Variants in BCKDHB observed in about 807,000 individuals in gnomAD.
The protein encoded by BCKDHB is branched chain keto acid dehydrogenase E1 subunit beta, also known as 2-oxoisovalerate dehydrogenase subunit beta, mitochondrial.
BCKDHB carries 41 observed loss-of-function variants against 48.5 expected under a neutral mutation model. That is an observed-to-expected ratio of 0.85 (90% CI 0.66 to 1.10). The LOEUF (loss-of-function observed/expected upper bound fraction) is 1.10. Ranked by LOEUF, BCKDHB falls within the 50% of genes least tolerant of loss-of-function variation. The probability of loss-of-function intolerance (pLI) is 0.00; values close to 1 mark genes in which losing one functional copy is unlikely to be tolerated. For synonymous variants in BCKDHB, 201 were observed against 174.8 expected (o/e 1.15, Z -1.18); for missense variants, 496 against 494.2 (o/e 1.00, Z -0.03).
intron 3 of BCKDHB, among the ~76,000 whole-genome samples, chr6:80,157,856 T>C (rs1053268839): frequency 6.6e-6 from 1 of 152,186 alleles, no homozygotes; most frequent in African/African-American, 2.4e-5. Flanking sequence ...AAAAATTTCA[T>C]GTTTATATTA....
intron 9 of BCKDHB, among the ~76,000 whole-genome samples, chr6:80,324,277 A>T (rs751245043): frequency 3.9e-5 from 6 of 152,200 alleles, no homozygotes; most frequent in Non-Finnish European, 8.8e-5. Flanking sequence ...GAATAATTAA[A>T]TAAGACTTTC....
intron 9 of BCKDHB, among the ~76,000 whole-genome samples, chr6:80,302,711 C>A (rs563150913): frequency 1.3e-5 from 2 of 152,114 alleles, no homozygotes; most frequent in Admixed American, 6.5e-5. Context: ...TTATTTCTAT[C>A]GATTGCACTT....
intron 9 of BCKDHB, among the ~76,000 whole-genome samples, chr6:80,290,555 C>T (rs1226671405): frequency 6.6e-6 from 1 of 152,144 alleles, no homozygotes; most frequent in Non-Finnish European, 1.5e-5. Context: ...TCCTAAGCAC[C>T]ATCTAATGGA....
chr6:80,388,655 C>T, the BCKDHB span, among the ~76,000 whole-genome samples: 2 of 152,182 alleles, frequency 1.3e-5, no homozygotes, highest in Admixed American at 6.6e-5. Context: ...CTCAAATGCC[C>T]ATGATCTCTT....
chr6:80,336,801 C>T (rs986390236), intron 9 of BCKDHB, among the ~76,000 whole-genome samples: 1 of 151,986 alleles, frequency 6.6e-6, no homozygotes, highest in Non-Finnish European at 1.5e-5. Context: ...TTGTTCTGTG[C>T]ATCTCATGTG....
chr6:80,334,897 T>G (rs1180042241), intron 9 of BCKDHB, among the ~76,000 whole-genome samples: 1 of 151,914 alleles, frequency 6.6e-6, no homozygotes, highest in Non-Finnish European at 1.5e-5. Flanking sequence ...TATATGTATA[T>G]ATATATACTT....
chr6:80,149,336 A>T (rs1430808410), intron 3 of BCKDHB, among the ~76,000 whole-genome samples: 2 of 152,192 alleles, frequency 1.3e-5, no homozygotes, highest in Admixed American at 6.5e-5. Flanking sequence ...GCTGGAGAGG[A>T]TGTGGAGAAA....
intron 9 of BCKDHB, among the ~76,000 whole-genome samples, chr6:80,322,217 G>T (rs1364115444): frequency 1.3e-5 from 2 of 150,546 alleles, no homozygotes; most frequent in African/African-American, 4.9e-5. Flanking sequence ...CTTAGACATA[G>T]GCGTTTTCTT....
At chr6:80,365,249 A>G in the BCKDHB span, among the ~76,000 whole-genome samples, 5 of 152,176 alleles carry the variant, frequency 3.3e-5, no homozygotes, top group Non-Finnish European at 7.3e-5. Flanking sequence ...CTTGATAAAC[A>G]TCTTAAACAA....
At chr6:80,333,821 G>A (rs1541211) in intron 9 of BCKDHB, among the ~76,000 whole-genome samples, 118,016 of 152,056 alleles carry the variant, frequency 0.78, 46,167 homozygotes, top group Admixed American at 0.84. Context: ...AGTATCTCTG[G>A]GCATTTTTAA....
the BCKDHB span, among the ~76,000 whole-genome samples, chr6:80,445,884 A>T: frequency 6.6e-6 from 1 of 152,180 alleles, no homozygotes; most frequent in Non-Finnish European, 1.5e-5. Context: ...GTTAGGACCT[A>T]GTAGGTGCAC....
intron 2 of BCKDHB, among the ~76,000 whole-genome samples, chr6:80,128,880 G>A (rs1292091334): frequency 6.8e-6 from 1 of 146,670 alleles, no homozygotes; most frequent in African/African-American, 2.6e-5. Context: ...AACTGTGTGT[G>A]TGTGTGTGTG....
At chr6:80,371,337 G>A in the BCKDHB span, among the ~76,000 whole-genome samples, 1 of 151,766 alleles carries the variant, frequency 6.6e-6, no homozygotes, top group African/African-American at 2.4e-5. Flanking sequence ...TGATGGAATT[G>A]TTTTTTTCTT....
the BCKDHB span, among the ~76,000 whole-genome samples, chr6:80,386,310 C>T: frequency 6.6e-6 from 1 of 151,774 alleles, no homozygotes; most frequent in Admixed American, 6.6e-5. Context: ...ATGAAATCAA[C>T]CTAAGTGCCC....
the BCKDHB span, among the ~76,000 whole-genome samples, chr6:80,352,510 C>T: frequency 6.6e-6 from 1 of 152,122 alleles, no homozygotes; most frequent in Non-Finnish European, 1.5e-5. Context: ...GGAATCAGCC[C>T]AAGGTCCTTC....
At chr6:80,238,504 C>T (rs1295187770) in intron 8 of BCKDHB, among the ~76,000 whole-genome samples, 4 of 152,158 alleles carry the variant, frequency 2.6e-5, no homozygotes, top group African/African-American at 4.8e-5. Context: ...CTGGCAGCCT[C>T]GGAAACCAGA....
In BCKDHB at chr6:80,282,035, T is replaced by C. The variant is rs146693829; in HGVS notation, c.1038+8814T>C. Among the ~76,000 whole-genome samples the C allele has an allele frequency of 4.1e-3, 618 of 152,254 alleles. 3 individuals carry two copies. The highest frequency in any genetic ancestry group is 0.014 in the African/African-American group (580 of 41,560). The stretch of plus-strand genomic sequence containing the variant: ...TTTTGTATGGCAAAAACAAGCATGA[T>C]TTTAAAAACAATGACAAATGAGAAT... On this transcript the variant is annotated intron_variant, in intron 9 of 9. Coordinates refer to ENST00000320393, the MANE Select transcript of BCKDHB (RefSeq NM_183050.4).
At chr6:80,413,714 A>G in the BCKDHB span, among the ~76,000 whole-genome samples, 1 of 152,142 alleles carries the variant, frequency 6.6e-6, no homozygotes, top group Non-Finnish European at 1.5e-5. Flanking sequence ...GGGCACTTAG[A>G]TTGATTCCAT....
chr6:80,225,009 A>G (rs1775622466), intron 8 of BCKDHB, among the ~76,000 whole-genome samples: 1 of 152,186 alleles, frequency 6.6e-6, no homozygotes, highest in Admixed American at 6.5e-5. Flanking sequence ...GCCTTTCTCT[A>G]ACTTCCACCT....
Sources: allele counts gnomAD v4.1 joint callset (sites outside exome capture counted in the v4.1 genomes callset), GRCh38; gene constraint gnomAD v4.1.1; transcripts MANE v1.5; gene names NCBI Gene and HGNC (gene_info 2026-07-23, HGNC 2026-07-21).